PLEKHM3: variants seen among roughly 807,000 people sequenced by gnomAD.
PLEKHM3 encodes pleckstrin homology domain-containing family M member 3.
Under a neutral mutation model 81.8 loss-of-function variants are expected in PLEKHM3, and 45 were observed. That is an observed-to-expected ratio of 0.55 (90% CI 0.43 to 0.71). The LOEUF (loss-of-function observed/expected upper bound fraction) is 0.71. Among genes scored for constraint, PLEKHM3 ranks in the 30% least tolerant of loss-of-function variants. The probability of loss-of-function intolerance (pLI) is 0.00; values close to 1 mark genes in which losing one functional copy is unlikely to be tolerated. For synonymous variants in PLEKHM3, 352 were observed against 356.4 expected (o/e 0.99, Z 0.14); for missense variants, 788 against 924.3 (o/e 0.85, Z 1.91).
chr2:207,966,645 C>T lies in PLEKHM3; in HGVS notation c.1546+10006G>A, dbSNP rs138038694. 7.1e-3 allele frequency among the ~76,000 whole-genome samples: 1,081 copies of T among 152,192 alleles called. 12 individuals are homozygous for T. Among genetic ancestry groups the T allele is most frequent in the African/African-American group, 0.024 (1,015 of 41,532 alleles). ...TTGGCTCGCTGCAACCTCCACCTCC[C>T]GGGTTCAAGAGGTTCTCCTACCTCA... On this transcript the variant is annotated intron_variant, in intron 3 of 7. Transcript: ENST00000427836.
At chr2:208,014,371 G>A (rs1692803501) in intron 1 of PLEKHM3, among the ~76,000 whole-genome samples, 1 of 152,228 alleles carries the variant, frequency 6.6e-6, no homozygotes, top group Non-Finnish European at 1.5e-5. Flanking sequence ...CTGGCCGTGT[G>A]CAGTGGCTCA....
At position 207,976,518 on chromosome 2, in the gene PLEKHM3, CT is replaced by C. The variant is rs1691313353; in HGVS notation, c.1546+132del. The C allele has an allele frequency of 3.2e-5, 27 of 852,720 alleles. No homozygotes were observed. In the South Asian group the frequency reaches 3.5e-4, roughly 11 times the overall value. The allele number at this position is 852,720 out of a possible 1,614,324, so 52.8% of individuals were successfully genotyped here. On this transcript the variant is annotated intron_variant, in intron 3 of 7. Coordinates refer to ENST00000427836, the MANE Select transcript of PLEKHM3 (RefSeq NM_001080475.3). The surrounding 1 kb of genome is among the most constrained non-coding windows in gnomAD (Gnocchi z 4.1). ...TAGGATGTTTTAATACAGTAAGCTT[CT>C]CGAGGAGAGATACTTTTTATAAACA...
At chr2:207,869,939 G>A (rs967485313) in intron 6 of PLEKHM3, 1 of 152,194 alleles carries the variant, frequency 6.6e-6, no homozygotes, top group Non-Finnish European at 1.5e-5. Context: ...TGGCTTTCTT[G>A]CAGACTAAGA....
At chr2:207,907,508 G>A (rs953893377) in intron 6 of PLEKHM3, among the ~76,000 whole-genome samples, 13 of 150,590 alleles carry the variant, frequency 8.6e-5, no homozygotes, top group Non-Finnish European at 1.3e-4. Context: ...TCTCACAAAC[G>A]AAAGGAAAAA....
At chr2:207,945,762 G>A (rs559188723) in intron 4 of PLEKHM3, among the ~76,000 whole-genome samples, 14 of 152,164 alleles carry the variant, frequency 9.2e-5, no homozygotes, top group Admixed American at 7.2e-4. Flanking sequence ...TTAGCTGGGC[G>A]TGGTGGCATA....
Position 207,826,758 on chromosome 2 carries a change from A to T in PLEKHM3, c.*1561T>A, listed in dbSNP as rs1306719979. On this transcript the variant is annotated 3_prime_UTR_variant, in exon 8 of 8. Transcript: ENST00000427836. ...AGTATGTTGTGAGCCACTGATCCTA[A>T]TAGCAGCAAAACTACTAAACCATGA... is the stretch of plus-strand genomic sequence containing the variant. 1.3e-5 allele frequency: 2 copies of T among 152,226 alleles called. No individual in the cohort carries two copies. The highest frequency in any genetic ancestry group is 2.9e-5 in the Non-Finnish European group (2 of 68,060). The allele number at this position is 152,226 out of a possible 1,614,324, so 9.4% of individuals were successfully genotyped here.
chr2:208,000,978 G>T, intron 2 of PLEKHM3, 52 bp downstream of exon 2: 1 of 1,380,452 alleles, frequency 7.2e-7, no homozygotes, highest in Non-Finnish European at 9.6e-7. Context: ...CTGAGTCACA[G>T]CCCCAAAAAG....
chr2:207,904,708 A>G (rs1688548373), intron 6 of PLEKHM3, among the ~76,000 whole-genome samples: 1 of 152,222 alleles, frequency 6.6e-6, no homozygotes, highest in South Asian at 2.1e-4. Flanking sequence ...TGTAAGGGAA[A>G]ATGCATGCAA....
In PLEKHM3 at chr2:207,976,854, A is replaced by G; in HGVS notation, c.1343T>C (p.Met448Thr). 6.2e-7 allele frequency: 1 copy of G among 1,614,162 alleles called. No individual in the cohort carries two copies. The highest frequency in any genetic ancestry group is 1.7e-5 in the Admixed American group (1 of 60,020). The change falls in exon 3 of 8, where the codon ATG (methionine) becomes ACG (threonine). Residue 448 changes from methionine to threonine, a missense_variant. Coordinates refer to ENST00000427836, the MANE Select transcript of PLEKHM3 (RefSeq NM_001080475.3). This position sits in a 1 kb window ranked among gnomAD's most constrained non-coding sequence, Gnocchi z 4.1. ...ATTGGCAGCTATCTTCAGAGCCTCC[A>G]TCCATTCCTGAGCCCTCTGTCGGGT... ...AETRQRAQEW[M>T]EALKIAANVA...
intron 6 of PLEKHM3, among the ~76,000 whole-genome samples, chr2:207,873,797 T>C (rs1312549883): frequency 6.6e-6 from 1 of 152,212 alleles, no homozygotes; most frequent in Non-Finnish European, 1.5e-5. Flanking sequence ...TAAAGTACAA[T>C]ATAAGGGCTC....
At chr2:207,934,107 A>C (rs1016699373) in intron 4 of PLEKHM3, among the ~76,000 whole-genome samples, 1 of 152,352 alleles carries the variant, frequency 6.6e-6, no homozygotes, top group Non-Finnish European at 1.5e-5. Context: ...TTAAAAAAAA[A>C]GTTACTTAGG....
chr2:207,944,492 C>T (rs762186917), intron 4 of PLEKHM3, among the ~76,000 whole-genome samples: 8 of 152,232 alleles, frequency 5.3e-5, no homozygotes, highest in East Asian at 1.9e-4. Context: ...GATGTAGGCA[C>T]GTTTATAGGT....
intron 5 of PLEKHM3, among the ~76,000 whole-genome samples, chr2:207,912,138 T>G (rs1337989919): frequency 6.6e-6 from 1 of 152,158 alleles, no homozygotes; most frequent in Admixed American, 6.5e-5. Context: ...CAAAGAGAAT[T>G]TCCAATTTCT....
At chr2:208,021,351 C>T (rs1481408625) in intron 1 of PLEKHM3, among the ~76,000 whole-genome samples, 2 of 152,204 alleles carry the variant, frequency 1.3e-5, no homozygotes, top group African/African-American at 2.4e-5. Context: ...CCATGTGCCT[C>T]CTTTTTCTAT....
chr2:207,874,580 CA>C (rs1244630359), intron 6 of PLEKHM3, among the ~76,000 whole-genome samples: 3 of 149,702 alleles, frequency 2.0e-5, no homozygotes, highest in Admixed American at 2.0e-4. Context: ...GTCTCAAAAA[CA>C]AACAAAAAAA....
intron 1 of PLEKHM3, among the ~76,000 whole-genome samples, chr2:208,004,833 T>G (rs76224316): frequency 0.021 from 3,247 of 152,348 alleles, 128 homozygotes; most frequent in African/African-American, 0.073. Context: ...TTTGTTTGTT[T>G]GTTTTTTTCA....
At chr2:207,857,174 T>A (rs146674793) in intron 7 of PLEKHM3, among the ~76,000 whole-genome samples, 178 of 152,342 alleles carry the variant, frequency 1.2e-3, no homozygotes, top group African/African-American at 4.0e-3. Context: ...ACAGTAAACT[T>A]ATCTCTCTCT....
intron 2 of PLEKHM3, among the ~76,000 whole-genome samples, chr2:207,978,336 G>A (rs1171343043): frequency 6.0e-5 from 9 of 148,794 alleles, no homozygotes; most frequent in East Asian, 2.1e-4. Context: ...AAGTAATTGC[G>A]GTTTTTACCA....
intron 6 of PLEKHM3, among the ~76,000 whole-genome samples, chr2:207,877,636 G>T (rs943249263): frequency 1.3e-5 from 2 of 152,088 alleles, no homozygotes; most frequent in African/African-American, 4.8e-5. Context: ...AGGTTTTGTT[G>T]GTTATCTCTT....
Sources: allele counts gnomAD v4.1 joint callset (sites outside exome capture counted in the v4.1 genomes callset), GRCh38; gene constraint gnomAD v4.1.1; non-coding constraint Gnocchi (gnomAD v3.1); transcripts MANE v1.5; gene names NCBI Gene and HGNC (gene_info 2026-07-23, HGNC 2026-07-21).